CDK18: variants seen among roughly 807,000 people sequenced by gnomAD.
CDK18 encodes cyclin-dependent kinase 18.
In CDK18, 52 loss-of-function variants were observed where a neutral mutation model predicts 62.0. That is an observed-to-expected ratio of 0.84 (90% CI 0.67 to 1.06). The LOEUF (loss-of-function observed/expected upper bound fraction) is 1.06, where lower values mean the gene tolerates loss of function less well. CDK18 is among the 50% of genes least tolerant of loss of function. The probability of loss-of-function intolerance (pLI) is 0.00; values close to 1 mark genes in which losing one functional copy is unlikely to be tolerated. For missense variants in CDK18, 604 were observed against 619.9 expected (o/e 0.97, Z 0.27); for synonymous variants, 237 against 247.0 (o/e 0.96, Z 0.38).
intron 1 of CDK18, among the ~76,000 whole-genome samples, chr1:205,515,446 G>A (rs1667772752): frequency 6.6e-6 from 1 of 152,180 alleles, no homozygotes; most frequent in African/African-American, 2.4e-5. Context: ...CACAGTGCTG[G>A]GATTACAGAC....
chr1:205,507,341 T>C (rs1328391155), intron 1 of CDK18, among the ~76,000 whole-genome samples: 1 of 152,026 alleles, frequency 6.6e-6, no homozygotes, highest in Non-Finnish European at 1.5e-5. Context: ...AGGGCTGTTA[T>C]AAGATTTAGG....
chr1:205,524,782 T>A (rs1041249413), intron 4 of CDK18, among the ~76,000 whole-genome samples: 6 of 152,180 alleles, frequency 3.9e-5, no homozygotes, highest in Non-Finnish European at 8.8e-5. Context: ...AGAAGTGCGC[T>A]GATGAGAGAC....
Position 205,525,148 on chromosome 1 carries a change from G to A in CDK18, c.409G>A (p.Gly137Ser). Residue 137 changes from glycine to serine, a missense_variant, in exon 5 of 16, where the codon GGC (glycine) becomes AGC (serine). Transcript: ENST00000429964. ...TGTCTCTCCCTCTCAGTCAGACATT[G>A]GCTTTGGGAAACTGGAAACATACGT... Reference protein sequence around the residue: ...MSRRASLSDIGFGKLETYVKL... With the variant: ...MSRRASLSDISFGKLETYVKL... The A allele has an allele frequency of 6.2e-7, 1 of 1,608,432 alleles. No homozygotes were observed. Among genetic ancestry groups the A allele is most frequent in the Non-Finnish European group, 8.5e-7 (1 of 1,175,804 alleles).
At position 205,528,059 on chromosome 1, in the gene CDK18, G is replaced by A. The variant is rs150420895; in HGVS notation, c.865G>A (p.Ala289Thr). Residue 289 changes from alanine to threonine, a missense_variant, in exon 10 of 16, where the codon GCC becomes ACC. Transcript: ENST00000429964. This position sits in a 1 kb window ranked among gnomAD's most constrained non-coding sequence, Gnocchi z 4.2. ...LKLADFGLAR[A>T]KSVPTKTYSN... ...ATGTCTGCCCCCAGGACTGGCCAGG[G>A]CCAAGTCAGTGCCCACAAAGACTTA... 5 of 1,614,058 alleles carry A rather than the reference G, an allele frequency of 3.1e-6. No individual in the cohort carries two copies. The African/African-American group carries it at 5.3e-5, about 17-fold the overall frequency.
In CDK18 at chr1:205,523,478, CTT is replaced by C; in HGVS notation, c.131-4_131-3del. On this transcript the variant is annotated splice_polypyrimidine_tract_variant and splice_region_variant and intron_variant, in intron 2 of 15. Transcript: ENST00000429964. The stretch of plus-strand genomic sequence containing the variant: ...GGGAGGGGAGCTGACGCCTGTCCCT[CTT>C]AGACTTGCAGCTCGGTCCTCTTGGC... 6.2e-7 allele frequency: 1 copy of C among 1,600,538 alleles called. No individual in the cohort carries two copies. The highest frequency in any genetic ancestry group is 1.7e-4 in the Middle Eastern group (1 of 6,040).
rs1037369456 is a variant in CDK18 at position 205,527,116 on chromosome 1, G to T, written c.729+279G>T. On this transcript the variant is annotated intron_variant, in intron 8 of 15. Coordinates refer to ENST00000429964, the MANE Select transcript of CDK18 (RefSeq NM_212502.3). The surrounding 1 kb of genome is among the most constrained non-coding windows in gnomAD (Gnocchi z 4.1). Reference sequence around the variant, plus strand: ...TTCCCAGTCTGTCAAATGGGAGTGTGAGCTACCTGCCAAAATGCAGGGAGG... The same window carrying T: ...TTCCCAGTCTGTCAAATGGGAGTGTTAGCTACCTGCCAAAATGCAGGGAGG... 3 of 448,172 alleles carry T rather than the reference G, an allele frequency of 6.7e-6. No individual in the cohort carries two copies. The highest frequency in any genetic ancestry group is 1.2e-5 in the Non-Finnish European group (3 of 249,662). The allele number at this position is 448,172 out of a possible 1,614,324, so 27.8% of individuals were successfully genotyped here. A position where few individuals can be genotyped will look rare whatever the true frequency, so the allele number is the denominator to read the frequency against.
In CDK18 at chr1:205,528,068, G is replaced by T; in HGVS notation, c.874G>T (p.Val292Leu). The change falls in exon 10 of 16, where the codon GTG becomes TTG. Residue 292 changes from valine to leucine, a missense_variant. Physicochemically the swap from Val to Leu is conservative, Grantham distance 32. Transcript: ENST00000429964. The surrounding 1 kb of genome is among the most constrained non-coding windows in gnomAD (Gnocchi z 4.2). The stretch of plus-strand genomic sequence containing the variant: ...CCCAGGACTGGCCAGGGCCAAGTCA[G>T]TGCCCACAAAGACTTACTCCAATGA... ...ADFGLARAKS[V>L]PTKTYSNEVV... 1 of 1,614,194 alleles carries T rather than the reference G, an allele frequency of 6.2e-7. No individual in the cohort carries two copies. The highest frequency in any genetic ancestry group is 8.5e-7 in the Non-Finnish European group (1 of 1,180,016).
At chr1:205,520,733 A>G (rs1668080267) in intron 1 of CDK18, among the ~76,000 whole-genome samples, 1 of 151,842 alleles carries the variant, frequency 6.6e-6, no homozygotes, top group Non-Finnish European at 1.5e-5. Context: ...AAAAAAGAAA[A>G]TAATTGATCT....
chr1:205,523,534 T>C lies in CDK18; in HGVS notation c.182T>C (p.Phe61Ser), dbSNP rs1445230653. ...GRDPPQECST[F>S]SPTDSGEEPG... Reference sequence around the variant, plus strand: ...GACCCCCCGCAGGAGTGCAGCACCTTCTCCCCAACAGACAGCGGGGAGGAG... The same window carrying C: ...GACCCCCCGCAGGAGTGCAGCACCTCCTCCCCAACAGACAGCGGGGAGGAG... Residue 61 changes from phenylalanine to serine, a missense_variant, in exon 3 of 16, where the codon TTC (phenylalanine) becomes TCC (serine). Physicochemically the swap from Phe to Ser is radical, Grantham distance 155. Transcript: ENST00000429964. 6 of 1,606,742 alleles carry C rather than the reference T, an allele frequency of 3.7e-6. No homozygotes were observed. The highest frequency in any genetic ancestry group is 4.2e-6 in the Non-Finnish European group (5 of 1,177,246).
chr1:205,512,220 G>A (rs182036335), intron 1 of CDK18, among the ~76,000 whole-genome samples: 6 of 152,314 alleles, frequency 3.9e-5, no homozygotes, highest in Admixed American at 6.5e-5. Flanking sequence ...AGGGGATGAG[G>A]TCACCCAGGA....
intron 1 of CDK18, among the ~76,000 whole-genome samples, chr1:205,509,550 A>G (rs749475386): frequency 2.6e-5 from 4 of 152,164 alleles, no homozygotes; most frequent in Non-Finnish European, 5.9e-5. Context: ...TTCCTCATTT[A>G]TAAAATAGGA....
At position 205,532,730 on chromosome 1, in the gene CDK18, A is replaced by G. The variant is rs1410583608; in HGVS notation, c.*1352A>G. The stretch of plus-strand genomic sequence containing the variant: ...CCCACCCTCCACTCCTCCCCACGGT[A>G]CTGTGAACGTCGTGTGACTCAGTGC... On this transcript the variant is annotated 3_prime_UTR_variant, in exon 16 of 16. Transcript: ENST00000429964. 6.6e-6 allele frequency: 1 copy of G among 152,048 alleles called. No homozygotes were observed. Among genetic ancestry groups the G allele is most frequent in the Non-Finnish European group, 1.5e-5 (1 of 67,972 alleles). 9.4% of individuals were successfully genotyped at this position (152,048 alleles called of 1,614,324 possible). A position where few individuals can be genotyped will look rare whatever the true frequency, so the allele number is the denominator to read the frequency against.
chr1:205,518,119 C>T (rs140751038), intron 1 of CDK18, among the ~76,000 whole-genome samples: 3 of 152,282 alleles, frequency 2.0e-5, no homozygotes, highest in East Asian at 3.9e-4. Context: ...TGAGATGTCA[C>T]CTGCTTCTTG....
At chr1:205,526,964 AG>A in intron 8 of CDK18, 127 bp downstream of exon 8, 1 of 742,812 alleles carries the variant, frequency 1.3e-6, no homozygotes. Flanking sequence ...CGTAGGAAAG[AG>A]GGAGAGGGCA....
In CDK18 at chr1:205,526,071, T is replaced by C. The variant is rs746909562; in HGVS notation, c.463T>C (p.Tyr155His). The stretch of plus-strand genomic sequence containing the variant: ...CTGTGGCCCTCCATCCCAGGGCACC[T>C]ATGCCACAGTCTTCAAAGGGCGCAG... ...VKLDKLGEGT[Y>H]ATVFKGRSKL... The change falls in exon 6 of 16, where the codon TAT becomes CAT. Residue 155 changes from tyrosine to histidine, a missense_variant. Transcript: ENST00000429964. The C allele has an allele frequency of 2.6e-5, 42 of 1,612,008 alleles. No individual in the cohort carries two copies. The highest frequency in any genetic ancestry group is 3.3e-5 in the Non-Finnish European group (39 of 1,178,958).
intron 1 of CDK18, among the ~76,000 whole-genome samples, chr1:205,508,286 G>A (rs770197847): frequency 6.6e-6 from 1 of 152,204 alleles, no homozygotes; most frequent in African/African-American, 2.4e-5. Context: ...TCCAGGGGGT[G>A]GGAGCAGACC....
At chr1:205,529,259 C>A in intron 11 of CDK18, 65 bp from the exon 12 acceptor site, 3 of 1,463,664 alleles carry the variant, frequency 2.0e-6, no homozygotes, top group Non-Finnish European at 2.8e-6. Context: ...ACATTGCATC[C>A]CTTTCAAGTC....
At chr1:205,514,896 G>C (rs1030931796) in intron 1 of CDK18, among the ~76,000 whole-genome samples, 8 of 152,340 alleles carry the variant, frequency 5.3e-5, no homozygotes, top group African/African-American at 1.7e-4. Context: ...GGAAGAAGGT[G>C]TGGTCATGCA....
chr1:205,523,577 T>C lies in CDK18; in HGVS notation c.225T>C (p.Pro75=). 1.3e-6 allele frequency: 2 copies of C among 1,597,604 alleles called. No individual in the cohort carries two copies. Among genetic ancestry groups the C allele is most frequent in the East Asian group, 2.3e-5 (1 of 44,184 alleles). ...GGGAGGAGCCGGGGCAGCTCTCCCCTGGCGTGCAGTTCCAGCGGCGGCAGA... is the reference window on the plus strand; with the variant it reads ...GGGAGGAGCCGGGGCAGCTCTCCCCCGGCGTGCAGTTCCAGCGGCGGCAGA... The part of the protein sequence containing the change: ...DSGEEPGQLS[P]GVQFQRRQNQ... Residue 75 remains proline, a synonymous_variant, in exon 3 of 16, where the codon CCT becomes CCC. Transcript: ENST00000429964.
Sources: allele counts gnomAD v4.1 joint callset (sites outside exome capture counted in the v4.1 genomes callset), GRCh38; gene constraint gnomAD v4.1.1; non-coding constraint Gnocchi (gnomAD v3.1); transcripts MANE v1.5; gene names NCBI Gene and HGNC (gene_info 2026-07-23, HGNC 2026-07-21).